SHROOM3: variants seen among roughly 807,000 people sequenced by gnomAD.
The protein encoded by SHROOM3 is shroom family member 3.
In SHROOM3, 47 loss-of-function variants were observed where a neutral mutation model predicts 138.6. The ratio of observed to expected loss-of-function variants is 0.34; its 90% confidence interval spans 0.27 to 0.43. The LOEUF (loss-of-function observed/expected upper bound fraction) is 0.43, where lower values mean the gene tolerates loss of function less well. Among genes scored for constraint, SHROOM3 ranks in the 20% least tolerant of loss-of-function variants. The probability of loss-of-function intolerance (pLI) is 1.00; values close to 1 mark genes in which losing one functional copy is unlikely to be tolerated. For synonymous variants in SHROOM3, 1,062 were observed against 1,063.3 expected (o/e 1.00, Z 0.02); for missense variants, 2,491 against 2,596.5 (o/e 0.96, Z 0.88).
At chr4:76,696,884 G>A (rs762475929) in intron 2 of SHROOM3, among the ~76,000 whole-genome samples, 9 of 152,070 alleles carry the variant, frequency 5.9e-5, no homozygotes, top group Non-Finnish European at 1.2e-4. Context: ...GGGATTCAAG[G>A]TTCAAGATGA....
intron 1 of SHROOM3, among the ~76,000 whole-genome samples, chr4:76,491,802 A>G (rs1731856629): frequency 6.6e-6 from 1 of 152,168 alleles, no homozygotes; most frequent in Non-Finnish European, 1.5e-5. Flanking sequence ...AGAGCATCCA[A>G]ATTGATGCAG....
rs58270392 is a variant in SHROOM3 at position 76,676,944 on chromosome 4, CA to C, written c.324-33189del. Among the ~76,000 whole-genome samples, 539 of 79,016 alleles carry C rather than the reference CA, an allele frequency of 6.8e-3. 3 individuals are homozygous for C. Among genetic ancestry groups the C allele is most frequent in the African/African-American group, 0.027 (475 of 17,578 alleles). 51.8% of individuals were successfully genotyped at this position (79,016 alleles called of 152,430 possible). Reference sequence around the variant, plus strand: ...GGCGACAGAGCGAGACTCCGTCTCACAAAAAAAAAAAAAAAAAAAAAAAGGA... The same window carrying C: ...GGCGACAGAGCGAGACTCCGTCTCACAAAAAAAAAAAAAAAAAAAAAAGGA... On this transcript the variant is annotated intron_variant, in intron 2 of 10. Transcript: ENST00000296043.
chr4:76,529,853 T>A (rs111365950), intron 1 of SHROOM3, among the ~76,000 whole-genome samples: 1 of 152,352 alleles, frequency 6.6e-6, no homozygotes, highest in African/African-American at 2.4e-5. Flanking sequence ...TAATTTTGCA[T>A]TCTTTTGAAT....
intron 2 of SHROOM3, among the ~76,000 whole-genome samples, chr4:76,574,184 C>A (rs1199452398): frequency 3.3e-5 from 5 of 152,186 alleles, no homozygotes; most frequent in African/African-American, 1.2e-4. Context: ...CTATTTCTCA[C>A]TCTTCTCTGT....
At chr4:76,490,696 T>C (rs756432966) in intron 1 of SHROOM3, among the ~76,000 whole-genome samples, 2 of 152,354 alleles carry the variant, frequency 1.3e-5, no homozygotes, top group South Asian at 2.1e-4. Flanking sequence ...ATTTCAGCAA[T>C]TGAAATCAGC....
At chr4:76,580,678 G>A (rs1042599258) in intron 2 of SHROOM3, among the ~76,000 whole-genome samples, 6 of 152,004 alleles carry the variant, frequency 3.9e-5, no homozygotes, top group African/African-American at 9.7e-5. Context: ...TGCCGGCCTC[G>A]GCCTCCCAAA....
At chr4:76,729,926 C>G (rs1445919185) in intron 3 of SHROOM3, among the ~76,000 whole-genome samples, 1 of 152,122 alleles carries the variant, frequency 6.6e-6, no homozygotes, top group Non-Finnish European at 1.5e-5. Context: ...AGATGGATTC[C>G]TGGATCCCAT....
chr4:76,751,801 C>T (rs540755128), intron 6 of SHROOM3, among the ~76,000 whole-genome samples: 6 of 152,144 alleles, frequency 3.9e-5, no homozygotes, highest in South Asian at 2.1e-4. Flanking sequence ...ATTAAAAAAA[C>T]GAAAAACAAC....
intron 2 of SHROOM3, among the ~76,000 whole-genome samples, chr4:76,655,328 T>A (rs779188898): frequency 5.9e-5 from 9 of 152,180 alleles, no homozygotes; most frequent in Non-Finnish European, 1.0e-4. Flanking sequence ...GACACAGTGC[T>A]AAGGACACAG....
chr4:76,551,775 T>C (rs1465501156), intron 1 of SHROOM3, among the ~76,000 whole-genome samples: 1 of 152,188 alleles, frequency 6.6e-6, no homozygotes, highest in Non-Finnish European at 1.5e-5. Flanking sequence ...TCAAGCAGTA[T>C]AAAAATAATA....
rs1238539473 is a variant in SHROOM3 at position 76,759,680 on chromosome 4, T to C, written c.5334T>C (p.Asp1778=). 21 of 1,613,918 alleles carry C rather than the reference T, an allele frequency of 1.3e-5. No individual in the cohort carries two copies. Among genetic ancestry groups the C allele is most frequent in the Non-Finnish European group, 1.7e-5 (20 of 1,179,990 alleles). Residue 1778 remains aspartate (D), a synonymous_variant, in exon 9 of 11, where the codon GAT becomes GAC. Transcript: ENST00000296043. ...AEVNEEEEQA[D]VNEKKAELIG... is the part of the protein sequence containing the mutation. The stretch of plus-strand genomic sequence containing the variant: ...TGAATGAGGAAGAGGAACAGGCAGA[T>C]GTCAATGAAAAGAAGGTAAATAAAG...
chr4:76,495,753 G>C (rs770962276), intron 1 of SHROOM3, among the ~76,000 whole-genome samples: 4 of 152,236 alleles, frequency 2.6e-5, no homozygotes, highest in Admixed American at 2.6e-4. Flanking sequence ...TGTGAGCAAT[G>C]TGGAGAATGG....
intron 1 of SHROOM3, among the ~76,000 whole-genome samples, chr4:76,548,547 G>T (rs1473951765): frequency 1.3e-5 from 2 of 152,274 alleles, no homozygotes; most frequent in South Asian, 2.1e-4. Flanking sequence ...CTGTATTTTT[G>T]AATGTACTCT....
At chr4:76,517,686 T>G (rs577476145) in intron 1 of SHROOM3, among the ~76,000 whole-genome samples, 1 of 151,944 alleles carries the variant, frequency 6.6e-6, no homozygotes, top group Non-Finnish European at 1.5e-5. Flanking sequence ...ATTTGAAAAT[T>G]TCTTCAACAA....
chr4:76,556,238 C>G (rs1364043484), intron 2 of SHROOM3, among the ~76,000 whole-genome samples: 1 of 152,186 alleles, frequency 6.6e-6, no homozygotes, highest in Non-Finnish European at 1.5e-5. Flanking sequence ...GGTGATTCCT[C>G]TGTTGGGAAA....
At chr4:76,576,578 T>A (rs963927496) in intron 2 of SHROOM3, among the ~76,000 whole-genome samples, 7 of 152,276 alleles carry the variant, frequency 4.6e-5, no homozygotes, top group African/African-American at 1.2e-4. Context: ...TACCTACTCT[T>A]TGATAGCACA....
At chr4:76,565,150 G>A (rs1168278638) in intron 2 of SHROOM3, among the ~76,000 whole-genome samples, 1 of 124,180 alleles carries the variant, frequency 8.1e-6, no homozygotes, top group Non-Finnish European at 1.6e-5. Context: ...GACAGGGCGA[G>A]ACTCCATTTC....
chr4:76,742,117 T>C (rs971170518), intron 5 of SHROOM3, 191 bp downstream of exon 5: 7 of 736,752 alleles, frequency 9.5e-6, no homozygotes, highest in Non-Finnish European at 9.5e-6. Flanking sequence ...TATAAAGATA[T>C]AGGTATCTAG....
chr4:76,607,978 T>A (rs1259722924), intron 2 of SHROOM3, among the ~76,000 whole-genome samples: 1 of 152,302 alleles, frequency 6.6e-6, no homozygotes, highest in South Asian at 2.1e-4. Flanking sequence ...CTGTGCAGGC[T>A]GTTCACTCCA....
Sources: allele counts gnomAD v4.1 joint callset (sites outside exome capture counted in the v4.1 genomes callset), GRCh38; gene constraint gnomAD v4.1.1; transcripts MANE v1.5; gene names NCBI Gene and HGNC (gene_info 2026-07-23, HGNC 2026-07-21).